The following SH3RF3 variants were observed in gnomAD, a reference collection of about 807,000 sequenced individuals.
SH3RF3 encodes SH3 domain containing ring finger 3, also known as E3 ubiquitin-protein ligase SH3RF3.
In SH3RF3, 29 loss-of-function variants were observed where a neutral mutation model predicts 66.3. That is an observed-to-expected ratio of 0.44 (90% CI 0.33 to 0.60). The LOEUF is 0.60. Among genes scored for constraint, SH3RF3 ranks in the 20% least tolerant of loss-of-function variants. The pLI, the probability that SH3RF3 is intolerant of heterozygous loss-of-function variation, is 0.04. For synonymous variants in SH3RF3, 583 were observed against 532.0 expected, an observed-to-expected ratio of 1.10 and a Z score of -1.32; for missense variants, 1,194 against 1,190.9, an observed-to-expected ratio of 1.00 and a Z score of -0.04.
chr2:109,385,813 CA>C (rs1163579236), intron 3 of SH3RF3, among the ~76,000 whole-genome samples: 1 of 151,774 alleles, frequency 6.6e-6, no homozygotes, highest in Non-Finnish European at 1.5e-5. Flanking sequence ...GCACCAGAAA[CA>C]AAAAAAATAA....
intron 7 of SH3RF3, among the ~76,000 whole-genome samples, chr2:109,443,679 G>T (rs1026506080): frequency 1.3e-5 from 2 of 152,102 alleles, no homozygotes; most frequent in African/African-American, 4.8e-5. Context: ...CAATAAAGGG[G>T]TCAGTTCATT....
At chr2:109,145,378 G>C (rs146179548) in intron 1 of SH3RF3, among the ~76,000 whole-genome samples, 2,119 of 152,264 alleles carry the variant, frequency 0.014, 20 homozygotes, top group Non-Finnish European at 0.019. Context: ...TGTGAGCCCT[G>C]CCCCTCTCTT....
intron 1 of SH3RF3, among the ~76,000 whole-genome samples, chr2:109,210,867 T>A (rs928878047): frequency 1.3e-5 from 2 of 152,186 alleles, no homozygotes; most frequent in Non-Finnish European, 1.5e-5. Flanking sequence ...AGGTGAGAAA[T>A]CTTTATTTTA....
intron 7 of SH3RF3, among the ~76,000 whole-genome samples, chr2:109,447,147 T>TAAAAAAAAAAAAAAAA (rs61240132): frequency 1.2e-4 from 10 of 82,674 alleles, no homozygotes; most frequent in East Asian, 6.3e-4. Flanking sequence ...CCTGAATATT[T>TAAAAAAAAAAAAAAAA]AAAAAAAAAA....
At chr2:109,170,249 CTTCTCTT>C (rs1558938142) in intron 1 of SH3RF3, among the ~76,000 whole-genome samples, 1 of 5,874 alleles carries the variant, frequency 1.7e-4, no homozygotes, top group East Asian at 3.9e-3. Context: ...TTTCTTTTCT[CTTCTCTT>C]CTCTTCTCTT....
chr2:109,399,501 C>A (rs1359722424), intron 4 of SH3RF3, among the ~76,000 whole-genome samples: 1 of 151,700 alleles, frequency 6.6e-6, no homozygotes, highest in African/African-American at 2.4e-5. Context: ...AAAGGCTGGG[C>A]ACAGTGGCTC....
At chr2:109,441,632 T>C (rs1677567117) in intron 7 of SH3RF3, among the ~76,000 whole-genome samples, 1 of 152,130 alleles carries the variant, frequency 6.6e-6, no homozygotes, top group Non-Finnish European at 1.5e-5. Flanking sequence ...AAAAATGATT[T>C]GAAGAAATAA....
At chr2:109,259,635 G>A (rs900255689) in intron 1 of SH3RF3, among the ~76,000 whole-genome samples, 1 of 152,242 alleles carries the variant, frequency 6.6e-6, no homozygotes, top group African/African-American at 2.4e-5. Flanking sequence ...TGGTGACAGG[G>A]AGACCCTGAT....
At chr2:109,219,950 A>AG (rs1679193831) in intron 1 of SH3RF3, among the ~76,000 whole-genome samples, 1 of 152,240 alleles carries the variant, frequency 6.6e-6, no homozygotes, top group Admixed American at 6.5e-5. Flanking sequence ...TGGAATCTCA[A>AG]GGGACCCCAA....
At chr2:109,427,253 G>A (rs1573242382) in intron 5 of SH3RF3, among the ~76,000 whole-genome samples, 1 of 152,162 alleles carries the variant, frequency 6.6e-6, no homozygotes, top group South Asian at 2.1e-4. Context: ...ACAGGCGTGA[G>A]TCACCGTGCC....
At chr2:109,291,965 G>A (rs920084917) in intron 1 of SH3RF3, among the ~76,000 whole-genome samples, 3 of 152,232 alleles carry the variant, frequency 2.0e-5, no homozygotes, top group Non-Finnish European at 2.9e-5. Context: ...TCAAGTTCAC[G>A]CCATTCTTAT....
At chr2:109,388,539 T>C (rs1179389506) in intron 3 of SH3RF3, among the ~76,000 whole-genome samples, 1 of 152,208 alleles carries the variant, frequency 6.6e-6, no homozygotes, top group African/African-American at 2.4e-5. Flanking sequence ...GTTACAGCTC[T>C]GTAGAGGGGT....
chr2:109,362,973 G>A (rs1683079007), intron 2 of SH3RF3, among the ~76,000 whole-genome samples: 1 of 152,000 alleles, frequency 6.6e-6, no homozygotes, highest in Admixed American at 6.5e-5. Context: ...TAGATTTCTT[G>A]TAAACAACAT....
At chr2:109,272,132 G>T (rs1240116719) in intron 1 of SH3RF3, among the ~76,000 whole-genome samples, 1 of 152,176 alleles carries the variant, frequency 6.6e-6, no homozygotes, top group Admixed American at 6.5e-5. Flanking sequence ...GTCGGAGCTG[G>T]ACTTATCCCT....
intron 6 of SH3RF3, among the ~76,000 whole-genome samples, chr2:109,434,853 C>G (rs1265548774): frequency 6.6e-6 from 1 of 152,178 alleles, no homozygotes; most frequent in African/African-American, 2.4e-5. Flanking sequence ...AAATGCAGAT[C>G]GAATCAATAA....
chr2:109,448,357 A>G (rs1420328446), intron 7 of SH3RF3, among the ~76,000 whole-genome samples: 1 of 152,216 alleles, frequency 6.6e-6, no homozygotes, highest in Non-Finnish European at 1.5e-5. Context: ...GCCACAGACC[A>G]ATTCCGGTCC....
chr2:109,466,035 G>A (rs1162512944), intron 8 of SH3RF3, among the ~76,000 whole-genome samples: 2 of 146,456 alleles, frequency 1.4e-5, no homozygotes, highest in African/African-American at 5.0e-5. Flanking sequence ...ATATAATGCT[G>A]AGCATCTTTT....
intron 1 of SH3RF3, among the ~76,000 whole-genome samples, chr2:109,247,406 C>T (rs1420962102): frequency 6.6e-6 from 1 of 152,236 alleles, no homozygotes; most frequent in Non-Finnish European, 1.5e-5. Flanking sequence ...GTAAGACCAG[C>T]TGAGCTTCCC....
intron 5 of SH3RF3, among the ~76,000 whole-genome samples, chr2:109,421,725 G>A (rs1327210898): frequency 2.6e-5 from 4 of 152,134 alleles, no homozygotes; most frequent in Admixed American, 6.5e-5. Flanking sequence ...CTTATGTGTC[G>A]GACAACATCC....
Sources: gnomAD v4.1 joint callset for allele counts (sites outside exome capture counted in the v4.1 genomes callset) on GRCh38, gnomAD v4.1.1 for gene constraint, MANE v1.5 for transcripts, NCBI Gene and HGNC (gene_info 2026-07-23, HGNC 2026-07-21) for gene names.